The following KLHDC10 variants were observed in gnomAD, a reference collection of about 807,000 sequenced individuals.
KLHDC10 encodes the protein kelch domain containing 10, also known as kelch domain-containing protein 10.
KLHDC10 carries 24 observed loss-of-function variants against 56.1 expected under a neutral mutation model. The observed-to-expected ratio is 0.43, with a 90% CI of 0.31 to 0.60. KLHDC10 has a LOEUF of 0.60. KLHDC10 is among the 20% of genes least tolerant of loss of function. The pLI is 0.11. For missense variants in KLHDC10, 349 were observed against 567.0 expected (o/e 0.62, Z 3.91); for synonymous variants, 188 against 207.1 (o/e 0.91, Z 0.79).
chr7:130,116,324 G>A lies in KLHDC10; in HGVS notation c.254-121G>A. On this transcript the variant is annotated intron_variant, in intron 2 of 9. Coordinates refer to ENST00000335420, the MANE Select transcript of KLHDC10 (RefSeq NM_014997.4). The surrounding 1 kb of genome is among the most constrained non-coding windows in gnomAD (Gnocchi z 4.8). ...TGTTATAAATCTAAACAAATAAGAAGTATATCCATGTTATAAATCCTTCCT... is the reference window on the plus strand; with the variant it reads ...TGTTATAAATCTAAACAAATAAGAAATATATCCATGTTATAAATCCTTCCT... 1.5e-6 allele frequency: 1 copy of A among 668,614 alleles called. No individual in the cohort carries two copies. Among genetic ancestry groups the A allele is most frequent in the Non-Finnish European group, 2.6e-6 (1 of 378,068 alleles). The allele number at this position is 668,614 out of a possible 1,614,324, so 41.4% of individuals were successfully genotyped here.
Position 130,084,646 on chromosome 7 carries a change from G to A in KLHDC10, c.167-12275G>A, listed in dbSNP as rs532429772. On this transcript the variant is annotated intron_variant, in intron 1 of 9. Transcript: ENST00000335420. ...TAAAAAATCAGCTGGGCGTGGTGGC[G>A]CGTGCCATTAGTCCCAGCTACTCGG... is the stretch of plus-strand genomic sequence containing the variant. Among the ~76,000 whole-genome samples, 7 of 152,050 alleles carry A rather than the reference G, an allele frequency of 4.6e-5. No homozygotes were observed. The South Asian group carries it at 6.3e-4, about 14-fold the overall frequency.
intron 1 of KLHDC10, among the ~76,000 whole-genome samples, chr7:130,083,251 G>T (rs1795634013): frequency 6.6e-6 from 1 of 152,182 alleles, no homozygotes; most frequent in Admixed American, 6.5e-5. Flanking sequence ...AGCCAGAAAT[G>T]TGGGAATCAC....
chr7:130,107,700 C>CG (rs984762229), intron 2 of KLHDC10, among the ~76,000 whole-genome samples: 8 of 151,712 alleles, frequency 5.3e-5, no homozygotes, highest in African/African-American at 1.7e-4. Context: ...AAAAATTAGC[C>CG]GGGCGTCGTG....
chr7:130,080,868 C>T (rs1795593662), intron 1 of KLHDC10, among the ~76,000 whole-genome samples: 1 of 152,194 alleles, frequency 6.6e-6, no homozygotes, highest in African/African-American at 2.4e-5. Flanking sequence ...CCTGGATTTG[C>T]AACTACTCAT....
At chr7:130,082,591 T>C (rs947498424) in intron 1 of KLHDC10, among the ~76,000 whole-genome samples, 6 of 152,236 alleles carry the variant, frequency 3.9e-5, no homozygotes, top group African/African-American at 1.4e-4. Context: ...GTTTACCATA[T>C]GAATAACATT....
intron 3 of KLHDC10, among the ~76,000 whole-genome samples, chr7:130,118,358 T>A (rs1259084467): frequency 6.6e-6 from 1 of 152,170 alleles, no homozygotes; most frequent in Non-Finnish European, 1.5e-5. Context: ...TTCCAACATT[T>A]CTTCTGCAGC....
At chr7:130,122,361 T>TAA (rs34925913) in intron 5 of KLHDC10, among the ~76,000 whole-genome samples, 159 bp downstream of exon 5, 1 of 152,076 alleles carries the variant, frequency 6.6e-6, no homozygotes, top group Non-Finnish European at 1.5e-5. Flanking sequence ...AGGTCTATAG[T>TAA]AAAAAAAGTT....
chr7:130,097,107 A>C (rs1795860628), intron 2 of KLHDC10, 100 bp downstream of exon 2: 1 of 742,118 alleles, frequency 1.3e-6, no homozygotes, highest in Non-Finnish European at 2.2e-6. Flanking sequence ...AAATCATCTA[A>C]ACAGCTAATG....
Position 130,070,654 on chromosome 7 carries a change from C to A in KLHDC10, c.11C>A (p.Ala4Asp). MSAAQGWDRNRRRG... is the reference protein window; with the variant it reads MSADQGWDRNRRRG... ...AATCGTTAGCGGGTCATGTCGGCCG[C>A]CCAGGGCTGGGACAGGAACCGCCGG... The change falls in exon 1 of 10, where the codon GCC (alanine) becomes GAC (aspartate). Residue 4 changes from alanine to aspartate, a missense_variant. Ala to Asp is a moderately radical substitution (Grantham distance 126). Around this residue, in one of 2 missense-constraint regions of KLHDC10, gnomAD observed 104 missense variants for 97.0 expected, o/e 1.07. Coordinates refer to ENST00000335420, the MANE Select transcript of KLHDC10 (RefSeq NM_014997.4). The A allele has an allele frequency of 7.6e-7, 1 of 1,313,778 alleles. No homozygotes were observed. Among genetic ancestry groups the A allele is most frequent in the Non-Finnish European group, 9.7e-7 (1 of 1,026,398 alleles). The allele number at this position is 1,313,778 out of a possible 1,614,324, so 81.4% of individuals were successfully genotyped here. A position where few individuals can be genotyped will look rare whatever the true frequency, so the allele number is the denominator to read the frequency against.
At chr7:130,070,914 C>A in intron 1 of KLHDC10, 105 bp downstream of exon 1, 2 of 772,204 alleles carry the variant, frequency 2.6e-6, no homozygotes, top group Non-Finnish European at 3.6e-6. Context: ...AAAGGCAGGC[C>A]CCACGCATAG....
chr7:130,107,843 C>CAAAAAA lies in KLHDC10; in HGVS notation c.254-8583_254-8578dup, dbSNP rs3043725. On this transcript the variant is annotated intron_variant, in intron 2 of 9. Coordinates refer to ENST00000335420, the MANE Select transcript of KLHDC10 (RefSeq NM_014997.4). Reference sequence around the variant, plus strand: ...TGGGCGACAGAGTGGGACTCCGTCTCAAAAAAAAAAAAAAAAAAAAAAAAG... The same window carrying CAAAAAA: ...TGGGCGACAGAGTGGGACTCCGTCTCAAAAAAAAAAAAAAAAAAAAAAAAAAAAAAG... Among the ~76,000 whole-genome samples the CAAAAAA allele has an allele frequency of 3.8e-3, 100 of 26,016 alleles. 10 individuals are homozygous for CAAAAAA. The highest frequency in any genetic ancestry group is 9.1e-3 in the African/African-American group (39 of 4,288). 17.1% of individuals were successfully genotyped at this position (26,016 alleles called of 152,430 possible). A position where few individuals can be genotyped will look rare whatever the true frequency, so the allele number is the denominator to read the frequency against.
intron 2 of KLHDC10, among the ~76,000 whole-genome samples, chr7:130,111,173 A>T (rs995284613): frequency 6.6e-6 from 1 of 152,196 alleles, no homozygotes; most frequent in Non-Finnish European, 1.5e-5. Context: ...GCCCTACCTT[A>T]TACAACACAC....
chr7:130,076,861 A>G (rs924889990), intron 1 of KLHDC10, among the ~76,000 whole-genome samples: 1 of 151,934 alleles, frequency 6.6e-6, no homozygotes, highest in African/African-American at 2.4e-5. Context: ...ATCTTCCCTC[A>G]TTCTACTTCC....
chr7:130,089,126 A>C (rs575595669), intron 1 of KLHDC10, among the ~76,000 whole-genome samples: 118 of 152,280 alleles, frequency 7.7e-4, no homozygotes, highest in African/African-American at 2.1e-3. Flanking sequence ...TAAAAAAAAA[A>C]CATATATTTT....
rs544545855 is a variant in KLHDC10, at chr7:130,123,309, A to C, written c.779+1107A>C. On this transcript the variant is annotated intron_variant, in intron 5 of 9. Coordinates refer to ENST00000335420, the MANE Select transcript of KLHDC10 (RefSeq NM_014997.4). ...TGGTGAAACCCTGTCTCTGCTAAAAATACAAAAAAAGTTAGCTGGGTGTGG... is the reference window on the plus strand; with the variant it reads ...TGGTGAAACCCTGTCTCTGCTAAAACTACAAAAAAAGTTAGCTGGGTGTGG... Among the ~76,000 whole-genome samples, 116 of 152,176 alleles carry C rather than the reference A, an allele frequency of 7.6e-4. 1 individual carries two copies. Among genetic ancestry groups the C allele is most frequent in the African/African-American group, 2.6e-3 (110 of 41,524 alleles).
chr7:130,083,707 G>A (rs545602010), intron 1 of KLHDC10, among the ~76,000 whole-genome samples: 10 of 152,128 alleles, frequency 6.6e-5, no homozygotes, highest in South Asian at 6.2e-4. Flanking sequence ...CTGAGATTGC[G>A]TCACTGCACT....
At position 130,130,321 on chromosome 7, in the gene KLHDC10, CAA is replaced by C. The variant is rs35574079; in HGVS notation, c.1120-203_1120-202del. Among the ~76,000 whole-genome samples, 30 of 107,572 alleles carry C rather than the reference CAA, an allele frequency of 2.8e-4. No homozygotes were observed. Among genetic ancestry groups the C allele is most frequent in the African/African-American group, 4.3e-4 (12 of 28,082 alleles). The allele number at this position is 107,572 out of a possible 152,430, so 70.6% of individuals were successfully genotyped here. A position where few individuals can be genotyped will look rare whatever the true frequency, so the allele number is the denominator to read the frequency against. On this transcript the variant is annotated intron_variant, in intron 9 of 9. Coordinates refer to ENST00000335420, the MANE Select transcript of KLHDC10 (RefSeq NM_014997.4). This position sits in a 1 kb window ranked among gnomAD's most constrained non-coding sequence, Gnocchi z 4.2. The stretch of plus-strand genomic sequence containing the variant: ...TGGGCGACAGAGTGAGACTCTGTCT[CAA>C]AAAAAAAAAAAATCATATATATATA...
At chr7:130,109,545 T>C (rs1260120353) in intron 2 of KLHDC10, among the ~76,000 whole-genome samples, 2 of 152,216 alleles carry the variant, frequency 1.3e-5, no homozygotes, top group Non-Finnish European at 2.9e-5. Flanking sequence ...TTATTAACCC[T>C]ATAAATAATG....
Position 130,129,527 on chromosome 7 carries a change from C to T in KLHDC10, c.1070C>T (p.Pro357Leu). The stretch of plus-strand genomic sequence containing the variant: ...CAGACTTTCCAATGGGTGAAGCTCC[C>T]AGCTACCATGCCAGAGCCAGTTTAT... ...NLQTFQWVKL[P>L]ATMPEPVYFH... Residue 357 changes from proline (P) to leucine (L), a missense_variant, in exon 9 of 10, where the codon CCA becomes CTA. Around this residue, in one of 2 missense-constraint regions of KLHDC10, gnomAD observed 245 missense variants for 470.1 expected, o/e 0.52. Transcript: ENST00000335420. 8.7e-6 allele frequency: 14 copies of T among 1,614,106 alleles called. No homozygotes were observed. The highest frequency in any genetic ancestry group is 1.1e-5 in the South Asian group (1 of 91,080).
Sources: gnomAD v4.1 joint callset for allele counts (sites outside exome capture counted in the v4.1 genomes callset) on GRCh38, gnomAD v4.1.1 for gene constraint, gnomAD v4.1.1 regional missense constraint, Gnocchi (gnomAD v3.1) non-coding constraint, MANE v1.5 for transcripts, NCBI Gene and HGNC (gene_info 2026-07-23, HGNC 2026-07-21) for gene names.